Variants in NALF1 observed in about 807,000 individuals in gnomAD.
The protein encoded by NALF1 is family with sequence similarity 155 member A.
A neutral mutation model predicts 48.4 loss-of-function variants in NALF1; 3 were observed. That is an observed-to-expected ratio of 0.06 (90% CI 0.03 to 0.16). The LOEUF is 0.16. Among genes scored for constraint, NALF1 ranks in the 10% least tolerant of loss-of-function variants. The probability of loss-of-function intolerance (pLI) is 1.00; values close to 1 mark genes in which losing one functional copy is unlikely to be tolerated. For synonymous variants in NALF1, 262 were observed against 245.7 expected (o/e 1.07, Z -0.62); for missense variants, 526 against 571.5 (o/e 0.92, Z 0.81).
intron 1 of NALF1, among the ~76,000 whole-genome samples, chr13:107,214,635 C>T (rs1465169560): frequency 6.6e-6 from 1 of 151,972 alleles, no homozygotes; most frequent in African/African-American, 2.4e-5. Flanking sequence ...TTTCAAATGG[C>T]CCACCGCCCC....
chr13:107,317,221 A>T (rs1374709453), intron 1 of NALF1, among the ~76,000 whole-genome samples: 1 of 152,084 alleles, frequency 6.6e-6, no homozygotes, highest in African/African-American at 2.4e-5. Flanking sequence ...GTTGTAATAT[A>T]ACTATTTTCA....
chr13:107,538,838 G>A (rs902627314), intron 1 of NALF1, among the ~76,000 whole-genome samples: 8 of 152,144 alleles, frequency 5.3e-5, no homozygotes, highest in Admixed American at 2.6e-4. Flanking sequence ...ATTTATAAAC[G>A]GTCCAGCATA....
intron 1 of NALF1, among the ~76,000 whole-genome samples, chr13:107,269,602 C>A (rs1881113038): frequency 1.3e-5 from 2 of 152,086 alleles, no homozygotes; most frequent in Admixed American, 6.5e-5. Flanking sequence ...TAGAACAGAA[C>A]AACTAAGAGT....
chr13:107,210,238 A>G (rs796789117), intron 2 of NALF1, among the ~76,000 whole-genome samples: 1 of 152,214 alleles, frequency 6.6e-6, no homozygotes, highest in African/African-American at 2.4e-5. Context: ...GCCTTAGCAC[A>G]TCTCCTGTTC....
chr13:107,451,502 G>A (rs1222402679), intron 1 of NALF1, among the ~76,000 whole-genome samples: 2 of 152,152 alleles, frequency 1.3e-5, no homozygotes, highest in African/African-American at 4.8e-5. Context: ...ACACGCTTAT[G>A]AAATAACAGG....
chr13:107,483,213 G>A (rs542464772), intron 1 of NALF1, among the ~76,000 whole-genome samples: 29 of 152,230 alleles, frequency 1.9e-4, no homozygotes, highest in African/African-American at 6.5e-4. Context: ...TGTATGACCA[G>A]CAAAATGAAT....
intron 1 of NALF1, among the ~76,000 whole-genome samples, chr13:107,706,473 A>G (rs1207151280): frequency 6.6e-6 from 1 of 152,214 alleles, no homozygotes; most frequent in Non-Finnish European, 1.5e-5. Context: ...GTTTTATTCT[A>G]AAGTAGATTT....
intron 1 of NALF1, among the ~76,000 whole-genome samples, chr13:107,325,888 A>ATATATATG (rs1566485854): frequency 3.1e-4 from 12 of 39,216 alleles, no homozygotes; most frequent in African/African-American, 6.9e-4. Flanking sequence ...ATATATATAT[A>ATATATATG]CACACACACA....
rs150743546 is a variant in NALF1 at position 107,721,941 on chromosome 13, C to A, written c.915+143741G>T. Among the ~76,000 whole-genome samples, 22 of 152,302 alleles carry A rather than the reference C, an allele frequency of 1.4e-4. No individual in the cohort carries two copies. In the East Asian group the frequency reaches 3.7e-3, roughly 25 times the overall value. ...TTTTGGCGTGCTCTGTTTATTCATACATGCTGGCTAGTGATAAATAAGAAA... is the reference window on the plus strand; with the variant it reads ...TTTTGGCGTGCTCTGTTTATTCATAAATGCTGGCTAGTGATAAATAAGAAA... On this transcript the variant is annotated intron_variant, in intron 1 of 2. Coordinates refer to ENST00000375915, the MANE Select transcript of NALF1 (RefSeq NM_001080396.3).
chr13:107,211,676 A>C (rs1879764420), intron 1 of NALF1, among the ~76,000 whole-genome samples: 1 of 150,048 alleles, frequency 6.7e-6, no homozygotes, highest in Non-Finnish European at 1.5e-5. Flanking sequence ...CCTTGGCACT[A>C]ATGGCTTTTA....
chr13:107,632,484 C>T (rs1412099858), intron 1 of NALF1, among the ~76,000 whole-genome samples: 2 of 152,042 alleles, frequency 1.3e-5, no homozygotes, highest in Admixed American at 6.6e-5. Context: ...TCCCTAATAA[C>T]ACTCCCAACC....
chr13:107,678,152 G>A (rs538209578), intron 1 of NALF1, among the ~76,000 whole-genome samples: 1 of 152,324 alleles, frequency 6.6e-6, no homozygotes, highest in Non-Finnish European at 1.5e-5. Flanking sequence ...TGCGAAGTCA[G>A]TGACCTTCTT....
In NALF1 at chr13:107,167,085, CAT is replaced by C. The variant is rs1878675806; in HGVS notation, c.*3410_*3411del. 1 of 152,194 alleles carries C rather than the reference CAT, an allele frequency of 6.6e-6. No homozygotes were observed. The highest frequency in any genetic ancestry group is 2.1e-4 in the South Asian group (1 of 4,834). 9.4% of individuals were successfully genotyped at this position (152,194 alleles called of 1,614,324 possible). On this transcript the variant is annotated 3_prime_UTR_variant, in exon 3 of 3. Transcript: ENST00000375915. ...TTGCCATTTAGCTTAGCAGTACCAA[CAT>C]ATTCCAGAAACTGAAATTTCTCTAT... is the stretch of plus-strand genomic sequence containing the variant.
intron 2 of NALF1, among the ~76,000 whole-genome samples, chr13:107,204,550 T>G (rs2138798064): frequency 6.6e-6 from 1 of 152,352 alleles, no homozygotes; most frequent in African/African-American, 2.4e-5. Flanking sequence ...GGGATCTTTA[T>G]GAATATAGAA....
In NALF1 at chr13:107,164,263, A is replaced by T. The variant is rs969313200; in HGVS notation, c.*6234T>A. ...CACCTACCTAAATAGATACAAATCA[A>T]TGAAATAATTTACTCAAGAGCCCTG... On this transcript the variant is annotated 3_prime_UTR_variant, in exon 3 of 3. Coordinates refer to ENST00000375915, the MANE Select transcript of NALF1 (RefSeq NM_001080396.3). 3.3e-5 allele frequency: 5 copies of T among 152,214 alleles called. No homozygotes were observed. Among genetic ancestry groups the T allele is most frequent in the Non-Finnish European group, 5.9e-5 (4 of 68,030 alleles). 9.4% of individuals were successfully genotyped at this position (152,214 alleles called of 1,614,324 possible).
At chr13:107,378,705 G>GA (rs1883381911) in intron 1 of NALF1, among the ~76,000 whole-genome samples, 1 of 152,084 alleles carries the variant, frequency 6.6e-6, no homozygotes, top group Non-Finnish European at 1.5e-5. Context: ...TTGAGATATT[G>GA]AATATGAAAT....
At chr13:107,531,235 AG>A (rs774217343) in intron 1 of NALF1, 3 of 169,280 alleles carry the variant, frequency 1.8e-5, no homozygotes, top group African/African-American at 7.2e-5. Context: ...ACACTTCAAC[AG>A]GAGATTTGGG....
intron 1 of NALF1, among the ~76,000 whole-genome samples, chr13:107,379,507 T>C (rs1043771076): frequency 2.6e-5 from 4 of 152,290 alleles, no homozygotes; most frequent in South Asian, 2.1e-4. Flanking sequence ...AAGTCTGAGA[T>C]GCAAGTTGGG....
At chr13:107,406,744 C>T (rs1208164848) in intron 1 of NALF1, among the ~76,000 whole-genome samples, 1 of 151,680 alleles carries the variant, frequency 6.6e-6, no homozygotes, top group Non-Finnish European at 1.5e-5. Context: ...GAATGCCATT[C>T]CTCACTGAAA....
Sources: gnomAD v4.1 joint callset for allele counts (sites outside exome capture counted in the v4.1 genomes callset) on GRCh38, gnomAD v4.1.1 for gene constraint, MANE v1.5 for transcripts, NCBI Gene and HGNC (gene_info 2026-07-23, HGNC 2026-07-21) for gene names.